VRK3: variants seen among roughly 807,000 people sequenced by gnomAD.
The protein encoded by VRK3 is serine/threonine-protein kinase VRK3.
VRK3 carries 50 observed loss-of-function variants against 60.4 expected under a neutral mutation model. That is an observed-to-expected ratio of 0.83 (90% CI 0.66 to 1.05). The LOEUF is 1.05. Among genes scored for constraint, VRK3 ranks in the 50% least tolerant of loss-of-function variants. The probability of loss-of-function intolerance (pLI) is 0.00; values close to 1 mark genes in which losing one functional copy is unlikely to be tolerated. For synonymous variants in VRK3, 246 were observed against 227.8 expected, an observed-to-expected ratio of 1.08 and a Z score of -0.72; for missense variants, 549 against 585.3, an observed-to-expected ratio of 0.94 and a Z score of 0.64.
At position 50,007,478 on chromosome 19, in the gene VRK3, G is replaced by A. The variant is rs546610265; in HGVS notation, c.547+91C>T. On this transcript the variant is annotated intron_variant, in intron 5 of 14. Transcript: ENST00000316763. ...GCGACAGGTCTGCAGCTAGGGATGT[G>A]GCTTCCATTCCCATTCTCAGAACGG... 1,378 of 1,564,246 alleles carry A rather than the reference G, an allele frequency of 8.8e-4. 27 individuals are homozygous for A. The highest frequency in any genetic ancestry group is 1.0e-4 in the Non-Finnish European group (115 of 1,150,210).
intron 1 of VRK3, among the ~76,000 whole-genome samples, chr19:50,021,161 G>A (rs1360988935): frequency 1.3e-5 from 2 of 152,176 alleles, no homozygotes; most frequent in African/African-American, 4.8e-5. Flanking sequence ...AGCCCAGGAC[G>A]CAGGTTCCAG....
In VRK3 at chr19:50,024,030, G is replaced by A. The variant is rs139068207; in HGVS notation, c.-65+1237C>T. 2.0e-3 allele frequency among the ~76,000 whole-genome samples: 297 copies of A among 152,300 alleles called. 13 individuals are homozygous for A. The East Asian group carries it at 0.051, about 26-fold the overall frequency. On this transcript the variant is annotated intron_variant, in intron 1 of 14. Coordinates refer to ENST00000316763, the MANE Select transcript of VRK3 (RefSeq NM_016440.4). ...AGCTCACTTGCAACCTCCGCTTCCT[G>A]GGTTCAAGCGATTCTCCCTGCCTCA... is the stretch of plus-strand genomic sequence containing the variant.
At chr19:50,002,145 G>A (rs3786674) in intron 5 of VRK3, among the ~76,000 whole-genome samples, 19,300 of 152,080 alleles carry the variant, frequency 0.13, 1,395 homozygotes, top group East Asian at 0.33. Flanking sequence ...CCTGACTCAC[G>A]CTGGTGTCCC....
At chr19:50,021,057 A>G (rs2077163328) in intron 1 of VRK3, among the ~76,000 whole-genome samples, 1 of 152,198 alleles carries the variant, frequency 6.6e-6, no homozygotes, top group African/African-American at 2.4e-5. Flanking sequence ...CTGAGCAGAG[A>G]CCCAAAGGAA....
At chr19:49,987,580 C>T (rs1453865833) in intron 12 of VRK3, 1 of 152,404 alleles carries the variant, frequency 6.6e-6, no homozygotes, top group Non-Finnish European at 1.5e-5. Context: ...AGGCACTGAT[C>T]TGGCAGTGTG....
intron 3 of VRK3, among the ~76,000 whole-genome samples, chr19:50,014,233 A>G (rs763016935): frequency 9.9e-5 from 15 of 152,048 alleles, no homozygotes; most frequent in Admixed American, 3.3e-4. Flanking sequence ...GGGCCACTGC[A>G]CTCCAGCCTG....
At chr19:50,022,283 C>T (rs1053220176) in intron 1 of VRK3, among the ~76,000 whole-genome samples, 3 of 152,234 alleles carry the variant, frequency 2.0e-5, no homozygotes, top group African/African-American at 4.8e-5. Context: ...TGTGGAACCA[C>T]GGCAAGAGAG....
At chr19:49,983,183 A>G (rs73932228) in intron 12 of VRK3, among the ~76,000 whole-genome samples, 7,639 of 96,118 alleles carry the variant, frequency 0.079, 657 homozygotes, top group African/African-American at 0.25. Flanking sequence ...CTCTGACTCC[A>G]TCTCCCCACT....
intron 3 of VRK3, among the ~76,000 whole-genome samples, chr19:50,012,005 CTT>C (rs2077002635): frequency 2.1e-5 from 3 of 145,130 alleles, no homozygotes; most frequent in Non-Finnish European, 4.5e-5. Context: ...GAGTTTTGCT[CTT>C]GTTGCCCAGG....
At chr19:49,994,965 A>G (rs1412260128) in intron 8 of VRK3, 46 bp from the exon 9 acceptor site, 2 of 1,573,094 alleles carry the variant, frequency 1.3e-6, no homozygotes, top group African/African-American at 2.7e-5. Context: ...AACAGGGGAG[A>G]GAGGAGTACC....
At chr19:50,019,713 T>C (rs1157259488) in intron 2 of VRK3, among the ~76,000 whole-genome samples, 12 of 113,672 alleles carry the variant, frequency 1.1e-4, no homozygotes, top group African/African-American at 3.6e-4. Context: ...TTTTTTTTTT[T>C]ACTTTTTGTA....
At chr19:50,021,725 G>C (rs1292292147) in intron 1 of VRK3, among the ~76,000 whole-genome samples, 2 of 152,210 alleles carry the variant, frequency 1.3e-5, no homozygotes, top group Non-Finnish European at 2.9e-5. Flanking sequence ...ATTGTGGGAC[G>C]ATTTGTTCTC....
At chr19:50,002,044 C>A (rs1008102592) in intron 5 of VRK3, among the ~76,000 whole-genome samples, 2 of 152,110 alleles carry the variant, frequency 1.3e-5, no homozygotes, top group African/African-American at 2.4e-5. Context: ...CCCATAACAC[C>A]AGGGCTCCCC....
intron 6 of VRK3, 41 bp downstream of exon 6, chr19:50,000,749 C>G (rs1178038326): frequency 1.3e-5 from 20 of 1,578,936 alleles, no homozygotes; most frequent in Non-Finnish European, 1.7e-5. Flanking sequence ...TTGTGAAAGT[C>G]CCTCCCCTCC....
chr19:49,994,832 C>T lies in VRK3; in HGVS notation c.852G>A (p.Leu284=), dbSNP rs762121054. ...TACGCACCAGCCGGCAGGCCACCTG[C>T]AGCACAGACCTCTCTGACAGCACAT... The part of the protein sequence containing the change: ...PKHVLSERSV[L]QVACRLLDAL... The change falls in exon 9 of 15, where the codon CTG becomes CTA. Residue 284 remains leucine, a synonymous_variant. Coordinates refer to ENST00000316763, the MANE Select transcript of VRK3 (RefSeq NM_016440.4). 2 of 1,613,796 alleles carry T rather than the reference C, an allele frequency of 1.2e-6. No individual in the cohort carries two copies.
intron 5 of VRK3, among the ~76,000 whole-genome samples, chr19:50,006,476 C>T (rs944107819): frequency 1.3e-5 from 2 of 151,556 alleles, no homozygotes; most frequent in African/African-American, 4.8e-5. Context: ...CCCGGGTTCA[C>T]GCCATTCTCC....
intron 7 of VRK3, among the ~76,000 whole-genome samples, chr19:49,996,353 G>A (rs1194196137): frequency 2.0e-5 from 3 of 152,058 alleles, no homozygotes; most frequent in Non-Finnish European, 2.9e-5. Context: ...CACCGCGCCC[G>A]ACTGCATTTG....
rs923323506 is a variant in VRK3 at position 49,994,903 on chromosome 19, T to G, written c.781A>C (p.Ser261Arg). 4 of 1,614,004 alleles carry G rather than the reference T, an allele frequency of 2.5e-6. No homozygotes were observed. The African/African-American group carries it at 5.3e-5, about 22-fold the overall frequency. ...QDKYRFLVLP[S>R]LGRSLQSALD... is the part of the protein sequence containing the mutation. ...GCCGACTGAAGGCTCCTCCCCAGGC[T>G]GGGTAACACCAAGAACCTGGAAGAC... Residue 261 changes from serine to arginine, a missense_variant, in exon 9 of 15, where the codon AGC (serine) becomes CGC (arginine). Physicochemically the swap from Ser to Arg is moderately radical, Grantham distance 110 (BLOSUM62 -1). Transcript: ENST00000316763.
intron 12 of VRK3, 130 bp downstream of exon 12, chr19:49,988,242 C>T: frequency 7.1e-7 from 1 of 1,411,340 alleles, no homozygotes; most frequent in Non-Finnish European, 9.5e-7. Flanking sequence ...GCCTGTGCGG[C>T]TCAGAGGACT....
Sources: allele counts gnomAD v4.1 joint callset (sites outside exome capture counted in the v4.1 genomes callset), GRCh38; gene constraint gnomAD v4.1.1; transcripts MANE v1.5; gene names NCBI Gene and HGNC (gene_info 2026-07-23, HGNC 2026-07-21).